HDAC9: variants seen among roughly 807,000 people sequenced by gnomAD.
The protein encoded by HDAC9 is MEF-2 interacting transcription repressor (MITR) protein.
A neutral mutation model predicts 139.4 loss-of-function variants in HDAC9; 41 were observed. The ratio of observed to expected loss-of-function variants is 0.29; its 90% CI spans 0.23 to 0.38. The LOEUF (loss-of-function observed/expected upper bound fraction) is 0.38, where lower values mean the gene tolerates loss of function less well. HDAC9 is among the 10% of genes least tolerant of loss of function. HDAC9 has a pLI of 1.00. For missense variants in HDAC9, 1,147 were observed against 1,297.0 expected (o/e 0.88, Z 1.78); for synonymous variants, 517 against 476.2 (o/e 1.09, Z -1.12).
At chr7:18,366,885 C>T (rs1473588759) in intron 1 of HDAC9, among the ~76,000 whole-genome samples, 1 of 138,618 alleles carries the variant, frequency 7.2e-6, no homozygotes, top group Non-Finnish European at 1.6e-5. Context: ...TGTACTTAAT[C>T]AGTTTAGTAA....
At chr7:18,705,768 G>T (rs537388607) in intron 12 of HDAC9, among the ~76,000 whole-genome samples, 1 of 149,854 alleles carries the variant, frequency 6.7e-6, no homozygotes, top group Non-Finnish European at 1.5e-5. Flanking sequence ...CAGGAGAATC[G>T]CTTGAACCTG....
At chr7:18,373,563 A>G (rs901980103) in intron 1 of HDAC9, among the ~76,000 whole-genome samples, 25 of 152,310 alleles carry the variant, frequency 1.6e-4, no homozygotes, top group Admixed American at 2.0e-4. Flanking sequence ...TTTTGTTTGA[A>G]TATTGAAAAC....
At chr7:18,482,963 A>G (rs904628022) in intron 1 of HDAC9, among the ~76,000 whole-genome samples, 3 of 152,232 alleles carry the variant, frequency 2.0e-5, no homozygotes, top group African/African-American at 7.2e-5. Context: ...GCATTACTCT[A>G]TAAGACAGAT....
In HDAC9 at chr7:18,207,537, G is replaced by A. The variant is rs200656105; in HGVS notation, c.25+45188G>A. ...TCCTCTCACCTCATCTGCCCAAGGA[G>A]TCTTTTTTTTTTTTTTTTTTGATTT... On this transcript the variant is annotated intron_variant, in intron 2 of 12. Coordinates refer to the HDAC9 transcript ENST00000417496. 8.9e-4 allele frequency among the ~76,000 whole-genome samples: 5 copies of A among 5,618 alleles called. No individual in the cohort carries two copies. The East Asian group carries it at 0.027, about 31-fold the overall frequency. 3.7% of individuals were successfully genotyped at this position (5,618 alleles called of 152,430 possible).
chr7:18,480,723 T>C (rs1216688810), intron 1 of HDAC9, among the ~76,000 whole-genome samples: 1 of 152,172 alleles, frequency 6.6e-6, no homozygotes, highest in Non-Finnish European at 1.5e-5. Context: ...ACATAGGTGA[T>C]AATGAGTATA....
chr7:18,196,546 G>T (rs1409809676), intron 2 of HDAC9, among the ~76,000 whole-genome samples: 1 of 152,146 alleles, frequency 6.6e-6, no homozygotes, highest in African/African-American at 2.4e-5. Flanking sequence ...TGGAAGTTCT[G>T]AATTATGAGA....
intron 21 of HDAC9, among the ~76,000 whole-genome samples, chr7:18,850,285 G>A (rs1393673537): frequency 1.3e-5 from 2 of 152,022 alleles, no homozygotes; most frequent in Non-Finnish European, 2.9e-5. Context: ...TTATTCCAAC[G>A]ATCTGAATGT....
intron 1 of HDAC9, among the ~76,000 whole-genome samples, chr7:18,376,970 G>A (rs1785040721): frequency 6.6e-6 from 1 of 152,010 alleles, no homozygotes. Context: ...GTTTTTTAAA[G>A]GGAACAAGCA....
intron 6 of HDAC9, among the ~76,000 whole-genome samples, chr7:18,621,905 A>G (rs1840314817): frequency 6.6e-6 from 1 of 152,210 alleles, no homozygotes; most frequent in African/African-American, 2.4e-5. Context: ...AGTGTCTTTC[A>G]TAACTGTAGT....
chr7:18,491,917 A>G (rs1265521610), upstream of HDAC9, among the ~76,000 whole-genome samples: 2 of 151,856 alleles, frequency 1.3e-5, no homozygotes, highest in Non-Finnish European at 2.9e-5. Context: ...ACACCCAAAA[A>G]ATGCTTTAAT....
chr7:18,954,693 T>C (rs1049231928), intron 24 of HDAC9, among the ~76,000 whole-genome samples: 21 of 152,188 alleles, frequency 1.4e-4, no homozygotes, highest in African/African-American at 5.1e-4. Context: ...ATAGACTTTT[T>C]TTATTATCCA....
intron 12 of HDAC9, among the ~76,000 whole-genome samples, chr7:18,671,806 A>G (rs1299790298): frequency 6.6e-6 from 1 of 152,028 alleles, no homozygotes; most frequent in Non-Finnish European, 1.5e-5. Flanking sequence ...TATTTCATAT[A>G]AATGAAGTCA....
chr7:18,865,212 G>A (rs1275692339), intron 21 of HDAC9, among the ~76,000 whole-genome samples: 2 of 152,314 alleles, frequency 1.3e-5, no homozygotes, highest in East Asian at 1.9e-4. Flanking sequence ...TGATCCAGGT[G>A]AGCAGTAAAG....
chr7:18,183,301 G>A (rs568536946), intron 2 of HDAC9, among the ~76,000 whole-genome samples: 2 of 152,246 alleles, frequency 1.3e-5, no homozygotes, highest in African/African-American at 4.8e-5. Flanking sequence ...GAGCCACGGC[G>A]CCCAGCCATG....
At chr7:18,364,189 G>A (rs1784000875) in intron 1 of HDAC9, among the ~76,000 whole-genome samples, 1 of 152,106 alleles carries the variant, frequency 6.6e-6, no homozygotes. Context: ...CAGGATTGCT[G>A]AAGATCCCAG....
rs941026258 is a variant in HDAC9 at position 18,618,703 on chromosome 7, A to C, written c.665-10647A>C. Among the ~76,000 whole-genome samples the C allele has an allele frequency of 8.4e-5, 12 of 143,624 alleles. No homozygotes were observed. The South Asian group carries it at 2.7e-3, about 32-fold the overall frequency. The allele number at this position is 143,624 out of a possible 152,430, so 94.2% of individuals were successfully genotyped here. On this transcript the variant is annotated intron_variant, in intron 6 of 25. Coordinates refer to ENST00000686413, the MANE Select transcript of HDAC9 (RefSeq NM_178425.4). ...CATTTCTATTTGAATGGTATATAAA[A>C]GATATATCTAGTACAGAATTTTGTA...
chr7:18,819,281 AAAT>A (rs1035159289), intron 17 of HDAC9, among the ~76,000 whole-genome samples: 4 of 152,074 alleles, frequency 2.6e-5, no homozygotes, highest in Non-Finnish European at 4.4e-5. Flanking sequence ...CTCCATCTAA[AAAT>A]AATAATAATA....
intron 21 of HDAC9, among the ~76,000 whole-genome samples, chr7:18,853,007 G>A (rs946921004): frequency 7.2e-5 from 11 of 152,016 alleles, no homozygotes; most frequent in African/African-American, 1.9e-4. Context: ...CATGGGGAGC[G>A]CACACTCTTC....
At chr7:18,110,333 A>G (rs1739173853) in intron 1 of HDAC9, among the ~76,000 whole-genome samples, 1 of 152,230 alleles carries the variant, frequency 6.6e-6, no homozygotes, top group African/African-American at 2.4e-5. Context: ...GAGGATAGAT[A>G]TAGTCATAAA....
Sources: gnomAD v4.1 joint callset for allele counts (sites outside exome capture counted in the v4.1 genomes callset) on GRCh38, gnomAD v4.1.1 for gene constraint, MANE v1.5 for transcripts, NCBI Gene and HGNC (gene_info 2026-07-23, HGNC 2026-07-21) for gene names.